ANAPC16: variants seen among roughly 807,000 people sequenced by gnomAD.
ANAPC16 encodes the protein anaphase-promoting complex subunit 16.
In ANAPC16, 6 loss-of-function variants were observed where a neutral mutation model predicts 13.1. The observed-to-expected ratio is 0.46, with a 90% CI of 0.25 to 0.90. The LOEUF is 0.90. ANAPC16 is among the 40% of genes least tolerant of loss of function. ANAPC16 has a pLI of 0.18. For missense variants in ANAPC16, 113 were observed against 131.1 expected, an observed-to-expected ratio of 0.86 and a Z score of 0.67; for synonymous variants, 55 against 51.3, an observed-to-expected ratio of 1.07 and a Z score of -0.31.
At position 72,224,027 on chromosome 10, in the gene ANAPC16, AC is replaced by A; in HGVS notation, c.117del (p.Gly41GlufsTer6). 5.0e-6 allele frequency: 8 copies of A among 1,610,268 alleles called. No individual in the cohort carries two copies. Among genetic ancestry groups the A allele is most frequent in the Non-Finnish European group, 6.8e-6 (8 of 1,177,090 alleles). ...LAPPRKALFT[Y>X]PKGAGEMLED... ...CCACCACGGAAAGCCCTTTTCACCT[AC>A]CCCAAAGGAGCTGGAGAGATGTTAG... On this transcript the variant is annotated frameshift_variant, in exon 2 of 4. Coordinates refer to ENST00000299381, the MANE Select transcript of ANAPC16 (RefSeq NM_173473.4). LOFTEE classifies it high-confidence loss of function.
At chr10:72,231,945 G>GGGA (rs888864090) in intron 3 of ANAPC16, among the ~76,000 whole-genome samples, 6 of 151,958 alleles carry the variant, frequency 3.9e-5, no homozygotes, top group Non-Finnish European at 5.9e-5. Context: ...CCAACAATTT[G>GGGA]GGAGGCTGAC....
In ANAPC16 at chr10:72,223,953, C is replaced by T; in HGVS notation, c.39C>T (p.Val13=). 1.2e-6 allele frequency: 2 copies of T among 1,610,894 alleles called. No individual in the cohort carries two copies. Among genetic ancestry groups the T allele is most frequent in the Non-Finnish European group, 1.7e-6 (2 of 1,177,548 alleles). The change falls in exon 2 of 4, where the codon GTC becomes GTT. Residue 13 remains valine (V), a synonymous_variant. Transcript: ENST00000299381. ...CATCATCCTCCTCAGCTGGTGGGGT[C>T]AGTGGAAGTTCTGTCACTGGATCTG... ...ASSSSSSAGG[V]SGSSVTGSGF...
intron 3 of ANAPC16, among the ~76,000 whole-genome samples, chr10:72,232,639 C>G (rs1440575779): frequency 7.0e-6 from 1 of 142,434 alleles, no homozygotes; most frequent in Non-Finnish European, 1.5e-5. Context: ...GATTCTCACT[C>G]TGTCACCAGG....
chr10:72,231,329 G>A (rs1860294802), intron 3 of ANAPC16, among the ~76,000 whole-genome samples: 1 of 152,052 alleles, frequency 6.6e-6, no homozygotes, highest in South Asian at 2.1e-4. Context: ...CTTGAGCCCA[G>A]GAGTTCAAGA....
chr10:72,224,182 C>A, intron 2 of ANAPC16, 126 bp downstream of exon 2: 1 of 1,103,814 alleles, frequency 9.1e-7, no homozygotes. Context: ...ATTTCTTGTC[C>A]CCATCTCAAA....
In ANAPC16 at chr10:72,231,435, G is replaced by A. The variant is rs540229713; in HGVS notation, c.217+995G>A. Among the ~76,000 whole-genome samples, 6 of 152,238 alleles carry A rather than the reference G, an allele frequency of 3.9e-5. No homozygotes were observed. The South Asian group carries it at 1.0e-3, about 26-fold the overall frequency. On this transcript the variant is annotated intron_variant, in intron 3 of 3. Transcript: ENST00000299381. ...TGCATGCCTGTGGTCCCAGCTACGT[G>A]GGAGGCTGAGTTGGGACGATCGCTT...
At position 72,217,183 on chromosome 10, in the gene ANAPC16, T is replaced by A. The variant is rs936550417; in HGVS notation, c.-28+1045T>A. 3 of 399,382 alleles carry A rather than the reference T, an allele frequency of 7.5e-6. No individual in the cohort carries two copies. In the East Asian group the frequency reaches 2.1e-4, roughly 29 times the overall value. The allele number at this position is 399,382 out of a possible 1,614,324, so 24.7% of individuals were successfully genotyped here. On this transcript the variant is annotated intron_variant, in intron 1 of 3. Coordinates refer to ENST00000299381, the MANE Select transcript of ANAPC16 (RefSeq NM_173473.4). ...TTCTTAAGATCATTGAACCTTAAAA[T>A]GAAAGTGTAGGCCGGGCGCGGTGGC...
chr10:72,232,450 G>A (rs976421433), intron 3 of ANAPC16, among the ~76,000 whole-genome samples: 37 of 148,968 alleles, frequency 2.5e-4, no homozygotes, highest in Admixed American at 1.8e-3. Context: ...AGGCTGAGGC[G>A]GGAGAATCAC....
intron 3 of ANAPC16, 102 bp from the exon 4 acceptor site, chr10:72,232,899 C>T (rs1049138122): frequency 1.2e-4 from 112 of 941,970 alleles, no homozygotes; most frequent in Middle Eastern, 4.2e-4. Flanking sequence ...CCACCACACC[C>T]GGCCTAGAAA....
intron 1 of ANAPC16, among the ~76,000 whole-genome samples, chr10:72,218,166 ATATATATATAT>A (rs1252679173): frequency 3.0e-3 from 61 of 20,334 alleles, no homozygotes; most frequent in African/African-American, 0.012. Context: ...AAAAAAAAAA[ATATATATATAT>A]ATATATATAT....
intron 2 of ANAPC16, among the ~76,000 whole-genome samples, chr10:72,225,963 T>G (rs1860109794): frequency 6.6e-6 from 1 of 151,984 alleles, no homozygotes; most frequent in Non-Finnish European, 1.5e-5. Context: ...ATTTACTTGA[T>G]TCTAGTATTT....
intron 1 of ANAPC16, chr10:72,220,395 A>G (rs535699961): frequency 6.6e-6 from 1 of 151,708 alleles, no homozygotes; most frequent in South Asian, 2.1e-4. Flanking sequence ...TCACACCTGT[A>G]ATCCCAACAC....
chr10:72,223,811 C>G, intron 1 of ANAPC16, 77 bp from the exon 2 acceptor site: 2 of 1,178,742 alleles, frequency 1.7e-6, no homozygotes, highest in East Asian at 5.1e-5. Flanking sequence ...GTATGCTGGC[C>G]CTTACAGCAG....
At position 72,234,718 on chromosome 10, in the gene ANAPC16, G is replaced by T. The variant is rs1860422639; in HGVS notation, c.*1602G>T. 1 of 152,116 alleles carries T rather than the reference G, an allele frequency of 6.6e-6. No individual in the cohort carries two copies. The highest frequency in any genetic ancestry group is 1.5e-5 in the Non-Finnish European group (1 of 68,032). 9.4% of individuals were successfully genotyped at this position (152,116 alleles called of 1,614,324 possible). ...AACACATTCTACCTGACGGGAGGTG[G>T]TGACCTCATTCAGTCGGTTAAGAGC... On this transcript the variant is annotated 3_prime_UTR_variant, in exon 4 of 4. Coordinates refer to ENST00000299381, the MANE Select transcript of ANAPC16 (RefSeq NM_173473.4).
At chr10:72,224,953 T>C (rs935159835) in intron 2 of ANAPC16, among the ~76,000 whole-genome samples, 2 of 152,128 alleles carry the variant, frequency 1.3e-5, no homozygotes, top group Non-Finnish European at 2.9e-5. Flanking sequence ...GTACAGGCTG[T>C]AAGCATGTCA....
At chr10:72,224,384 A>G (rs1212890819) in intron 2 of ANAPC16, among the ~76,000 whole-genome samples, 1 of 152,158 alleles carries the variant, frequency 6.6e-6, no homozygotes, top group Non-Finnish European at 1.5e-5. Flanking sequence ...AGACTGAGGC[A>G]GGTGGATCAC....
chr10:72,226,461 C>A (rs1289180696), intron 2 of ANAPC16, among the ~76,000 whole-genome samples: 2 of 151,910 alleles, frequency 1.3e-5, no homozygotes, highest in African/African-American at 2.4e-5. Context: ...ATTGCTTGAA[C>A]CCAGGAGTTT....
intron 1 of ANAPC16, chr10:72,220,326 A>C (rs1224576657): frequency 9.6e-6 from 1 of 104,484 alleles, no homozygotes; most frequent in Non-Finnish European, 1.8e-5. Context: ...ACTCCGTCTC[A>C]AAAAAAAAAA....
chr10:72,235,375 C>G lies in ANAPC16; in HGVS notation c.*2259C>G, dbSNP rs1860441472. On this transcript the variant is annotated 3_prime_UTR_variant, in exon 4 of 4. Transcript: ENST00000299381. Reference sequence around the variant, plus strand: ...GCTGAGGCAGCAGAATCGTTTGAACCCGGGAGGCGGAGGTTGCAGTGAGTG... The same window carrying G: ...GCTGAGGCAGCAGAATCGTTTGAACGCGGGAGGCGGAGGTTGCAGTGAGTG... The G allele has an allele frequency of 6.6e-6, 1 of 152,146 alleles. No individual in the cohort carries two copies. The highest frequency in any genetic ancestry group is 2.4e-5 in the African/African-American group (1 of 41,416). The allele number at this position is 152,146 out of a possible 1,614,324, so 9.4% of individuals were successfully genotyped here. A position where few individuals can be genotyped will look rare whatever the true frequency, so the allele number is the denominator to read the frequency against.
Sources: gnomAD v4.1 joint callset for allele counts (sites outside exome capture counted in the v4.1 genomes callset) on GRCh38, gnomAD v4.1.1 for gene constraint, MANE v1.5 for transcripts, NCBI Gene and HGNC (gene_info 2026-07-23, HGNC 2026-07-21) for gene names.